Variants in DCP1B observed in about 807,000 individuals in gnomAD.
The protein encoded by DCP1B is mRNA-decapping enzyme 1B.
A neutral mutation model predicts 60.5 loss-of-function variants in DCP1B; 47 were observed. The observed-to-expected ratio is 0.78, with a 90% CI of 0.61 to 0.99. The LOEUF is 0.99. DCP1B is among the 50% of genes least tolerant of loss of function. The pLI, the probability that DCP1B is intolerant of heterozygous loss-of-function variation, is 0.00. For synonymous variants in DCP1B, 267 were observed against 280.3 expected, an observed-to-expected ratio of 0.95 and a Z score of 0.47; for missense variants, 725 against 756.8, an observed-to-expected ratio of 0.96 and a Z score of 0.49.
At chr12:1,967,174 C>T (rs1185890216) in intron 4 of DCP1B, among the ~76,000 whole-genome samples, 1 of 152,214 alleles carries the variant, frequency 6.6e-6, no homozygotes, top group East Asian at 1.9e-4. Flanking sequence ...TCAACGCAAT[C>T]AGGGAAGCCA....
In DCP1B at chr12:1,950,273, G is replaced by A. The variant is rs376459108; in HGVS notation, c.1525-939C>T. 18 of 696,442 alleles carry A rather than the reference G, an allele frequency of 2.6e-5. 1 individual carries two copies. Among genetic ancestry groups the A allele is most frequent in the Middle Eastern group, 2.3e-4 (1 of 4,356 alleles). 43.1% of individuals were successfully genotyped at this position (696,442 alleles called of 1,614,324 possible). ...GTCCCTACATGACATTTCGAGGAGC[G>A]GTGCTGAGCAGTGATGCTCCCGGAG... On this transcript the variant is annotated intron_variant, in intron 7 of 8. Transcript: ENST00000280665.
At chr12:1,954,487 T>C in intron 6 of DCP1B, among the ~76,000 whole-genome samples, 1 of 152,178 alleles carries the variant, frequency 6.6e-6, no homozygotes, top group East Asian at 1.9e-4. Flanking sequence ...CAATCATTAA[T>C]GGGACCTACA....
At chr12:1,991,661 C>A (rs764690245) in intron 3 of DCP1B, 12 of 177,338 alleles carry the variant, frequency 6.8e-5, no homozygotes, top group Non-Finnish European at 1.2e-4. Flanking sequence ...TAGTGACTAT[C>A]ATAGTGGACA....
chr12:1,956,183 T>C (rs997457536), intron 5 of DCP1B, among the ~76,000 whole-genome samples: 2 of 152,242 alleles, frequency 1.3e-5, no homozygotes, highest in East Asian at 1.9e-4. Flanking sequence ...AATCTCATCA[T>C]TTCCAACACT....
intron 6 of DCP1B, among the ~76,000 whole-genome samples, chr12:1,954,157 G>A (rs547279729): frequency 7.9e-5 from 12 of 151,784 alleles, no homozygotes; most frequent in Admixed American, 3.9e-4. Flanking sequence ...ACTCCAGCCC[G>A]GGTAACAGGA....
intron 5 of DCP1B, among the ~76,000 whole-genome samples, chr12:1,964,689 C>A (rs1270644503): frequency 6.6e-6 from 1 of 152,198 alleles, no homozygotes; most frequent in East Asian, 1.9e-4. Flanking sequence ...ACTCAAATAG[C>A]TGACTTGAGA....
At chr12:1,979,808 AGTATGT>A (rs2035583255) in intron 3 of DCP1B, among the ~76,000 whole-genome samples, 1 of 152,232 alleles carries the variant, frequency 6.6e-6, no homozygotes, top group African/African-American at 2.4e-5. Context: ...CATTCTAAGG[AGTATGT>A]GATATTCTTA....
rs1171449733 is a variant in DCP1B, at chr12:1,950,473, CA to C, written c.1525-1140del. 1.1e-4 allele frequency: 76 copies of C among 692,546 alleles called. 1 individual carries two copies. The highest frequency in any genetic ancestry group is 1.0e-3 in the African/African-American group (59 of 56,752). The allele number at this position is 692,546 out of a possible 1,614,324, so 42.9% of individuals were successfully genotyped here. A position where few individuals can be genotyped will look rare whatever the true frequency, so the allele number is the denominator to read the frequency against. ...AATCATCAAAGAGGAAAAAAGCAGA[CA>C]TTTTTAAAAAAGGGACAATAACACT... On this transcript the variant is annotated intron_variant, in intron 7 of 8. Transcript: ENST00000280665.
intron 8 of DCP1B, among the ~76,000 whole-genome samples, chr12:1,947,690 T>C (rs2030488759): frequency 6.6e-6 from 1 of 152,220 alleles, no homozygotes; most frequent in African/African-American, 2.4e-5. Flanking sequence ...TTACTATGAA[T>C]AGCTTTAAAA....
chr12:1,953,347 T>G, intron 6 of DCP1B, 59 bp from the exon 7 acceptor site: 1 of 1,489,200 alleles, frequency 6.7e-7, no homozygotes, highest in South Asian at 1.4e-5. Flanking sequence ...TATGAGGAAG[T>G]GCTATGAAAC....
Position 2,004,344 on chromosome 12 carries a change from G to A in DCP1B, c.88C>T (p.Arg30Cys), listed in dbSNP as rs1389363586. Reference protein sequence around the residue: ...ALQRHDPYINRIVDVASQVAL... With the variant: ...ALQRHDPYINCIVDVASQVAL... The stretch of plus-strand genomic sequence containing the variant: ...ACCTGGCTGGCCACGTCCACGATGC[G>A]GTTGATATAGGGGTCGTGGCGCTGC... The change falls in exon 1 of 9, where the codon CGC becomes TGC. Residue 30 changes from arginine (R) to cysteine (C), a missense_variant. Arg to Cys is a radical substitution (Grantham distance 180). Transcript: ENST00000280665. 3.7e-6 allele frequency: 6 copies of A among 1,613,264 alleles called. No homozygotes were observed. Among genetic ancestry groups the A allele is most frequent in the African/African-American group, 2.7e-5 (2 of 74,950 alleles).
intron 3 of DCP1B, chr12:1,991,811 AGTT>A (rs1438604215): frequency 6.5e-6 from 1 of 155,016 alleles, no homozygotes; most frequent in African/African-American, 2.4e-5. Context: ...TTGGTATAGT[AGTT>A]AATATGTGAT....
At chr12:1,945,688 G>A (rs142474615), downstream of DCP1B, among the ~76,000 whole-genome samples, 459 of 152,276 alleles carry the variant, frequency 3.0e-3, 2 homozygotes, top group African/African-American at 0.01. Flanking sequence ...TACACCCAGG[G>A]AATACTATGC....
intron 1 of DCP1B, among the ~76,000 whole-genome samples, chr12:1,998,413 C>T (rs1453447790): frequency 6.6e-6 from 1 of 152,158 alleles, no homozygotes; most frequent in Admixed American, 6.5e-5. Context: ...TTTTCTCCTG[C>T]CATATCCAGT....
At chr12:1,974,745 G>A (rs1165627470) in intron 3 of DCP1B, among the ~76,000 whole-genome samples, 3 of 152,128 alleles carry the variant, frequency 2.0e-5, no homozygotes, top group Non-Finnish European at 1.5e-5. Context: ...CCTGAAAAAT[G>A]TAAGATTTAG....
chr12:1,989,942 T>C (rs1010940738), intron 3 of DCP1B, among the ~76,000 whole-genome samples: 10 of 152,244 alleles, frequency 6.6e-5, no homozygotes, highest in African/African-American at 2.2e-4. Context: ...ATAACTGATA[T>C]ATGCTTGAAT....
At chr12:1,988,293 T>C (rs2038375510) in intron 3 of DCP1B, among the ~76,000 whole-genome samples, 2 of 152,224 alleles carry the variant, frequency 1.3e-5, no homozygotes, top group South Asian at 4.1e-4. Flanking sequence ...GCCTGGAATA[T>C]TGCTGGTCAT....
chr12:1,994,084 C>T (rs547391504), intron 2 of DCP1B, among the ~76,000 whole-genome samples: 3 of 152,318 alleles, frequency 2.0e-5, no homozygotes, highest in Admixed American at 2.0e-4. Flanking sequence ...ACTCAATAAA[C>T]CTTGAATGCC....
At chr12:2,004,226 G>A (rs903129530) in intron 1 of DCP1B, 56 bp downstream of exon 1, 5 of 1,595,294 alleles carry the variant, frequency 3.1e-6, no homozygotes, top group Non-Finnish European at 4.3e-6. Context: ...TGAGTCTGAC[G>A]CCCCCCGCCT....
Sources: gnomAD v4.1 joint callset for allele counts (sites outside exome capture counted in the v4.1 genomes callset) on GRCh38, gnomAD v4.1.1 for gene constraint, MANE v1.5 for transcripts, NCBI Gene and HGNC (gene_info 2026-07-23, HGNC 2026-07-21) for gene names.